SYN3: variants seen among roughly 807,000 people sequenced by gnomAD.
The protein encoded by SYN3 is synapsin-3.
SYN3 carries 35 observed loss-of-function variants against 65.8 expected under a neutral mutation model. That is an observed-to-expected ratio of 0.53 (90% confidence interval 0.41 to 0.70). The LOEUF (loss-of-function observed/expected upper bound fraction) is 0.70. Ranked by LOEUF, SYN3 falls within the 30% of genes least tolerant of loss-of-function variation. SYN3 has a pLI of 0.00. For synonymous variants in SYN3, 270 were observed against 292.9 expected (o/e 0.92, Z 0.80); for missense variants, 680 against 749.0 (o/e 0.91, Z 1.08).
intron 6 of SYN3, among the ~76,000 whole-genome samples, chr22:32,820,986 C>T (rs1172536079): frequency 6.6e-6 from 1 of 152,054 alleles, no homozygotes; most frequent in Non-Finnish European, 1.5e-5. Context: ...CATGACCAAT[C>T]CGAGAAACCC....
At chr22:32,670,687 A>T (rs2060348247) in intron 6 of SYN3, among the ~76,000 whole-genome samples, 1 of 152,220 alleles carries the variant, frequency 6.6e-6, no homozygotes. Flanking sequence ...TAACTGGCCA[A>T]TCTTGGTTCA....
At chr22:32,891,628 T>G (rs913091985) in intron 4 of SYN3, among the ~76,000 whole-genome samples, 1 of 152,202 alleles carries the variant, frequency 6.6e-6, no homozygotes, top group Non-Finnish European at 1.5e-5. Flanking sequence ...TTAAGCAAGG[T>G]GCTTAAACTG....
intron 10 of SYN3, chr22:32,529,216 C>G (rs1207467906): frequency 3.6e-6 from 2 of 558,008 alleles, no homozygotes; most frequent in Non-Finnish European, 6.3e-6. Flanking sequence ...GGAGGTAGTT[C>G]AATTCGGCCC....
intron 6 of SYN3, among the ~76,000 whole-genome samples, chr22:32,819,918 C>T (rs746684676): frequency 2.0e-5 from 3 of 152,186 alleles, no homozygotes; most frequent in Admixed American, 6.5e-5. Context: ...GGGAAGTTCT[C>T]GCAACCATAG....
At chr22:32,947,045 C>G (rs934296460) in intron 3 of SYN3, among the ~76,000 whole-genome samples, 2 of 152,114 alleles carry the variant, frequency 1.3e-5, no homozygotes, top group Non-Finnish European at 2.9e-5. Context: ...CTTGGAGGAA[C>G]GAATAAATGG....
At chr22:32,615,232 C>T (rs182724302) in intron 6 of SYN3, among the ~76,000 whole-genome samples, 382 of 151,940 alleles carry the variant, frequency 2.5e-3, no homozygotes, top group Admixed American at 4.7e-3. Flanking sequence ...GTCAGGAGTT[C>T]GAAACCAGCC....
At chr22:32,952,416 C>T (rs568106786) in intron 3 of SYN3, among the ~76,000 whole-genome samples, 36 of 152,102 alleles carry the variant, frequency 2.4e-4, no homozygotes, top group African/African-American at 8.7e-4. Flanking sequence ...CCTAAATGTT[C>T]ATGTATTAGA....
chr22:32,536,175 G>C (rs1979450686), intron 9 of SYN3, among the ~76,000 whole-genome samples: 1 of 152,230 alleles, frequency 6.6e-6, no homozygotes, highest in African/African-American at 2.4e-5. Flanking sequence ...GGGCCATAGA[G>C]AAGATGGCCA....
At chr22:32,984,915 T>C (rs981247047) in intron 2 of SYN3, among the ~76,000 whole-genome samples, 1 of 152,182 alleles carries the variant, frequency 6.6e-6, no homozygotes, top group Non-Finnish European at 1.5e-5. Flanking sequence ...ACAAGACACT[T>C]AGCCCTCTGG....
chr22:32,654,523 C>A (rs538619914), intron 6 of SYN3, among the ~76,000 whole-genome samples: 63 of 152,280 alleles, frequency 4.1e-4, no homozygotes, highest in Non-Finnish European at 7.9e-4. Context: ...ACAGCTTGTC[C>A]CCTGCCTACG....
intron 3 of SYN3, among the ~76,000 whole-genome samples, chr22:32,966,531 C>G (rs1470038220): frequency 6.6e-6 from 1 of 152,082 alleles, no homozygotes; most frequent in East Asian, 1.9e-4. Context: ...ACAGGTCAGC[C>G]CTTTATGCAT....
chr22:32,802,017 G>C, intron 6 of SYN3: 1 of 1,578,120 alleles, frequency 6.3e-7, no homozygotes, highest in Non-Finnish European at 8.6e-7. Context: ...CCCTTGGCTC[G>C]GGCTCATCGT....
intron 4 of SYN3, among the ~76,000 whole-genome samples, chr22:32,876,950 T>C (rs1479174602): frequency 6.6e-6 from 1 of 152,236 alleles, no homozygotes; most frequent in African/African-American, 2.4e-5. Flanking sequence ...AATAAGTAGA[T>C]AGATGATAGA....
chr22:32,741,606 C>T (rs1266175667), intron 6 of SYN3, among the ~76,000 whole-genome samples: 7 of 151,966 alleles, frequency 4.6e-5, no homozygotes, highest in Admixed American at 2.0e-4. Flanking sequence ...CCGCCTGCCT[C>T]GGCCTCCCAA....
In SYN3 at chr22:32,666,314, C is replaced by A. The variant is rs370228227; in HGVS notation, c.712-69578G>T. ...AACCTCTCAATAGTTTCTCATCTTA[C>A]TCTAAAGAATAACCCAAACCAAACA... On this transcript the variant is annotated intron_variant, in intron 6 of 13. Transcript: ENST00000358763. Among the ~76,000 whole-genome samples the A allele has an allele frequency of 6.9e-3, 1,056 of 152,274 alleles. 14 individuals are homozygous for A. Among genetic ancestry groups the A allele is most frequent in the African/African-American group, 0.024 (980 of 41,532 alleles).
chr22:32,632,837 G>A (rs1249638986), intron 6 of SYN3, among the ~76,000 whole-genome samples: 2 of 152,178 alleles, frequency 1.3e-5, no homozygotes, highest in Non-Finnish European at 2.9e-5. Flanking sequence ...TTAACGTGAC[G>A]CATACAGGGT....
chr22:32,978,142 G>A (rs241729), intron 3 of SYN3, among the ~76,000 whole-genome samples: 46,989 of 152,064 alleles, frequency 0.31, 8,028 homozygotes, highest in East Asian at 0.74. Flanking sequence ...TTGGAGATGG[G>A]TGGAAAACAT....
At chr22:32,778,588 G>A (rs763321351) in intron 6 of SYN3, among the ~76,000 whole-genome samples, 1 of 152,032 alleles carries the variant, frequency 6.6e-6, no homozygotes, top group African/African-American at 2.4e-5. Flanking sequence ...CACCGCACCC[G>A]GCCAAGACTG....
At position 32,847,641 on chromosome 22, in the gene SYN3, A is replaced by T. The variant is rs575785745; in HGVS notation, c.711+17274T>A. The stretch of plus-strand genomic sequence containing the variant: ...GAGATTAGAGTCAAATAACTGGGAT[A>T]CATAGTGGAGCATCCACAATGAGGA... On this transcript the variant is annotated intron_variant, in intron 6 of 13. Coordinates refer to ENST00000358763, the MANE Select transcript of SYN3 (RefSeq NM_003490.4). Among the ~76,000 whole-genome samples the T allele has an allele frequency of 3.3e-5, 5 of 152,356 alleles. No homozygotes were observed. In the South Asian group the frequency reaches 1.0e-3, roughly 32 times the overall value.
Sources: allele counts gnomAD v4.1 joint callset (sites outside exome capture counted in the v4.1 genomes callset), GRCh38; gene constraint gnomAD v4.1.1; transcripts MANE v1.5; gene names NCBI Gene and HGNC (gene_info 2026-07-23, HGNC 2026-07-21).